Variants in CFAP299 observed in about 807,000 individuals in gnomAD.
The protein encoded by CFAP299 is cilia- and flagella-associated protein 299.
CFAP299 carries 21 observed loss-of-function variants against 27.0 expected under a neutral mutation model. The ratio of observed to expected loss-of-function variants is 0.78; its 90% CI spans 0.55 to 1.12. The LOEUF (loss-of-function observed/expected upper bound fraction) is 1.12, where lower values mean the gene tolerates loss of function less well. Ranked by LOEUF, CFAP299 falls within the 50% of genes most tolerant of loss-of-function variation. CFAP299 has a pLI of 0.00. For synonymous variants in CFAP299, 104 were observed against 98.1 expected, an observed-to-expected ratio of 1.06 and a Z score of -0.36; for missense variants, 310 against 276.6, an observed-to-expected ratio of 1.12 and a Z score of -0.86.
intron 3 of CFAP299, among the ~76,000 whole-genome samples, chr4:80,677,504 A>G (rs887194842): frequency 6.6e-6 from 1 of 152,028 alleles, no homozygotes; most frequent in African/African-American, 2.4e-5. Flanking sequence ...ATCTTTCCAT[A>G]GCTAAAGCTT....
chr4:80,843,562 C>A (rs916896142), intron 3 of CFAP299, among the ~76,000 whole-genome samples: 4 of 151,972 alleles, frequency 2.6e-5, no homozygotes, highest in African/African-American at 9.7e-5. Flanking sequence ...GTCTTTATAG[C>A]AGCATGATTT....
At chr4:80,592,646 G>T (rs1036035912) in intron 3 of CFAP299, among the ~76,000 whole-genome samples, 6 of 152,098 alleles carry the variant, frequency 3.9e-5, no homozygotes. Flanking sequence ...AATCTTCAGA[G>T]GATTAAAAGG....
intron 2 of CFAP299, among the ~76,000 whole-genome samples, chr4:80,396,590 G>T (rs1725810156): frequency 6.6e-6 from 1 of 152,080 alleles, no homozygotes; most frequent in South Asian, 2.1e-4. Flanking sequence ...GATTATAAGT[G>T]AGCTGCCTAG....
intron 1 of CFAP299, among the ~76,000 whole-genome samples, chr4:80,342,985 A>C (rs1345317329): frequency 6.6e-6 from 1 of 152,232 alleles, no homozygotes; most frequent in Non-Finnish European, 1.5e-5. Context: ...AGAAATACTT[A>C]CCAAGAAAAT....
At chr4:80,799,697 TAA>T (rs1728210075) in intron 3 of CFAP299, among the ~76,000 whole-genome samples, 1 of 57,260 alleles carries the variant, frequency 1.7e-5, no homozygotes, top group South Asian at 5.7e-4. Flanking sequence ...ATATAATATA[TAA>T]AATATATATT....
chr4:80,419,703 T>C (rs1460813921), intron 2 of CFAP299, among the ~76,000 whole-genome samples: 1 of 152,150 alleles, frequency 6.6e-6, no homozygotes, highest in Admixed American at 6.5e-5. Flanking sequence ...CCTGACTACC[T>C]ACCTACTGTA....
chr4:80,696,164 G>C (rs1453488552), intron 3 of CFAP299, among the ~76,000 whole-genome samples: 1 of 151,902 alleles, frequency 6.6e-6, no homozygotes, highest in African/African-American at 2.4e-5. Flanking sequence ...AGCCTGGCAT[G>C]GTGGCACGCA....
At chr4:80,824,904 G>A (rs1471826511) in intron 3 of CFAP299, among the ~76,000 whole-genome samples, 7 of 151,932 alleles carry the variant, frequency 4.6e-5, no homozygotes, top group African/African-American at 1.7e-4. Flanking sequence ...CCCATTCAAA[G>A]GAACAAAAAA....
At chr4:80,895,175 C>G (rs1734551993) in intron 4 of CFAP299, among the ~76,000 whole-genome samples, 2 of 131,664 alleles carry the variant, frequency 1.5e-5, no homozygotes, top group South Asian at 4.6e-4. Flanking sequence ...TCTCACCACA[C>G]ACACACACAC....
At chr4:80,438,421 T>C (rs1380038288) in intron 2 of CFAP299, among the ~76,000 whole-genome samples, 1 of 152,246 alleles carries the variant, frequency 6.6e-6, no homozygotes, top group Non-Finnish European at 1.5e-5. Flanking sequence ...ATCCCAACTC[T>C]TACAATATAA....
At chr4:80,739,470 T>A (rs1486273167) in intron 3 of CFAP299, among the ~76,000 whole-genome samples, 1 of 152,122 alleles carries the variant, frequency 6.6e-6, no homozygotes, top group African/African-American at 2.4e-5. Context: ...TTTTTGTTTG[T>A]TTGTTTGTTT....
At chr4:80,457,685 C>G (rs543515918) in intron 2 of CFAP299, among the ~76,000 whole-genome samples, 1 of 152,070 alleles carries the variant, frequency 6.6e-6, no homozygotes, top group Non-Finnish European at 1.5e-5. Flanking sequence ...AGATGTTTTT[C>G]GGGACTTCTA....
chr4:80,332,689 A>G (rs1721984021), upstream of CFAP299, among the ~76,000 whole-genome samples: 1 of 152,180 alleles, frequency 6.6e-6, no homozygotes, highest in African/African-American at 2.4e-5. Context: ...GGAAAAAGCC[A>G]TAGTAGAAGG....
chr4:80,702,001 G>A (rs1377834743), intron 3 of CFAP299, among the ~76,000 whole-genome samples: 2 of 151,846 alleles, frequency 1.3e-5, no homozygotes, highest in African/African-American at 4.8e-5. Flanking sequence ...AATTCAACTT[G>A]TATGTGGTTG....
At chr4:80,655,193 G>A (rs770224993) in intron 3 of CFAP299, among the ~76,000 whole-genome samples, 7 of 151,932 alleles carry the variant, frequency 4.6e-5, no homozygotes, top group Non-Finnish European at 1.0e-4. Flanking sequence ...ACTACAATAG[G>A]TATTATCCAT....
At chr4:80,883,605 A>G (rs778567645) in intron 4 of CFAP299, among the ~76,000 whole-genome samples, 1 of 152,176 alleles carries the variant, frequency 6.6e-6, no homozygotes, top group Non-Finnish European at 1.5e-5. Context: ...TGTTACATAA[A>G]GTAATAATTA....
At chr4:80,545,349 T>A (rs72875773) in intron 2 of CFAP299, among the ~76,000 whole-genome samples, 10,571 of 151,606 alleles carry the variant, frequency 0.07, 555 homozygotes, top group East Asian at 0.25. Context: ...ATAACCAAAA[T>A]CAGAGCTGAT....
At chr4:80,587,620 C>T (rs543347242) in intron 3 of CFAP299, among the ~76,000 whole-genome samples, 1 of 152,194 alleles carries the variant, frequency 6.6e-6, no homozygotes, top group South Asian at 2.1e-4. Context: ...TGAGACAGTG[C>T]CTTGCTCTGT....
chr4:80,336,060 G>A (rs1461521074), intron 1 of CFAP299, among the ~76,000 whole-genome samples, 181 bp downstream of exon 1: 2 of 152,184 alleles, frequency 1.3e-5, no homozygotes, highest in Non-Finnish European at 2.9e-5. Flanking sequence ...ACCGCCCCGC[G>A]CTCCCCGGTC....
Sources: allele counts gnomAD v4.1 joint callset (sites outside exome capture counted in the v4.1 genomes callset), GRCh38; gene constraint gnomAD v4.1.1; transcripts MANE v1.5; gene names NCBI Gene and HGNC (gene_info 2026-07-23, HGNC 2026-07-21).